The following ZNF532 variants were observed in gnomAD, a reference collection of about 807,000 sequenced individuals.
ZNF532 encodes zinc finger protein 532.
In ZNF532, 22 loss-of-function variants were observed where a neutral mutation model predicts 89.3. That is an observed-to-expected ratio of 0.25 (90% CI 0.18 to 0.35). The LOEUF is 0.35. Among genes scored for constraint, ZNF532 ranks in the 10% least tolerant of loss-of-function variants. The pLI, the probability that ZNF532 is intolerant of heterozygous loss-of-function variation, is 1.00. For synonymous variants in ZNF532, 606 were observed against 649.6 expected (o/e 0.93, Z 1.02); for missense variants, 1,132 against 1,643.4 (o/e 0.69, Z 5.38).
chr18:58,907,454 G>A (rs1343247306), intron 2 of ZNF532, among the ~76,000 whole-genome samples: 1 of 151,926 alleles, frequency 6.6e-6, no homozygotes, highest in Non-Finnish European at 1.5e-5. Context: ...CTCCCAAAGT[G>A]CTGGGATTAG....
intron 7 of ZNF532, among the ~76,000 whole-genome samples, chr18:58,973,638 C>T (rs57327476): frequency 0.03 from 4,551 of 152,154 alleles, 245 homozygotes; most frequent in African/African-American, 0.1. Context: ...TAATCCCGCT[C>T]CTGGGTATTT....
chr18:58,896,492 T>G (rs1322406294), intron 2 of ZNF532: 6 of 152,234 alleles, frequency 3.9e-5, no homozygotes, highest in African/African-American at 1.4e-4. Flanking sequence ...CCACCACCCA[T>G]GTCTGGGCTG....
At chr18:58,916,431 T>G (rs187975192) in intron 2 of ZNF532, among the ~76,000 whole-genome samples, 3 of 152,222 alleles carry the variant, frequency 2.0e-5, no homozygotes, top group Non-Finnish European at 4.4e-5. Context: ...TGTTAATGTT[T>G]TATTTCCTGT....
chr18:58,948,149 A>T lies in ZNF532; in HGVS notation c.2788A>T (p.Asn930Tyr). The T allele has an allele frequency of 6.2e-7, 1 of 1,614,000 alleles. No individual in the cohort carries two copies. The highest frequency in any genetic ancestry group is 8.5e-7 in the Non-Finnish European group (1 of 1,179,916). Residue 930 changes from asparagine (N) to tyrosine (Y), a missense_variant, in exon 6 of 10, where the codon AAC becomes TAC. This residue lies in a region of ZNF532 where 415 missense variants were observed against 604.8 expected (regional missense o/e 0.69). Transcript: ENST00000591808. ...LYRHFDQHIE[N>Y]QKVSVFKCPD... ...TCGCCACTTTGACCAACACATTGAA[A>T]ACCAGAAGGTGTCTGTTTTCAAGTG... is the stretch of plus-strand genomic sequence containing the variant.
At chr18:58,958,632 C>G (rs554858962) in intron 7 of ZNF532, among the ~76,000 whole-genome samples, 1 of 152,176 alleles carries the variant, frequency 6.6e-6, no homozygotes, top group Non-Finnish European at 1.5e-5. Flanking sequence ...CTGATTGAAG[C>G]AGTTCTCTTT....
chr18:58,914,564 C>T (rs555551066), intron 2 of ZNF532, among the ~76,000 whole-genome samples: 124 of 152,228 alleles, frequency 8.1e-4, no homozygotes, highest in Non-Finnish European at 1.5e-3. Context: ...CCTGTAATCC[C>T]GGCTACTCGG....
chr18:58,971,485 C>T (rs1422841680), intron 7 of ZNF532, among the ~76,000 whole-genome samples: 1 of 152,212 alleles, frequency 6.6e-6, no homozygotes, highest in African/African-American at 2.4e-5. Context: ...CAGCCACGCC[C>T]ATTCATTTAA....
rs550494391 is a variant in ZNF532, at chr18:58,887,694, C to G, written c.-18+22115C>G. On this transcript the variant is annotated intron_variant, in intron 2 of 9. Transcript: ENST00000591808. ...ACCACAAACCAAAACAGAACCCCCA[C>G]GCTCACAGGAGGGACCGTCATGCAG... Among the ~76,000 whole-genome samples, 5 of 152,236 alleles carry G rather than the reference C, an allele frequency of 3.3e-5. No individual in the cohort carries two copies. In the South Asian group the frequency reaches 8.3e-4, roughly 25 times the overall value.
chr18:58,916,492 T>C (rs1322989082), intron 2 of ZNF532, among the ~76,000 whole-genome samples: 3 of 152,214 alleles, frequency 2.0e-5, no homozygotes, highest in Non-Finnish European at 4.4e-5. Context: ...TTATTCCCCC[T>C]CTGTTTCCGC....
intron 7 of ZNF532, among the ~76,000 whole-genome samples, chr18:58,961,197 C>T (rs2065311743): frequency 6.6e-6 from 1 of 152,360 alleles, no homozygotes; most frequent in South Asian, 2.1e-4. Context: ...GGAACCCGAT[C>T]ATTTGCATTT....
At chr18:58,970,401 T>C (rs1484884854) in intron 7 of ZNF532, among the ~76,000 whole-genome samples, 1 of 152,182 alleles carries the variant, frequency 6.6e-6, no homozygotes, top group African/African-American at 2.4e-5. Context: ...ATGTCACCCA[T>C]CTGTAGATGG....
At chr18:58,938,776 A>G (rs535910690) in intron 4 of ZNF532, among the ~76,000 whole-genome samples, 10 of 152,310 alleles carry the variant, frequency 6.6e-5, no homozygotes, top group African/African-American at 2.2e-4. Context: ...TAGAAATGCT[A>G]TTTGGGTCCT....
chr18:58,978,980 A>T, intron 7 of ZNF532, 75 bp from the exon 8 acceptor site: 1 of 1,212,020 alleles, frequency 8.3e-7, no homozygotes, highest in Admixed American at 1.8e-5. Flanking sequence ...AACTTAAACT[A>T]TTACAAAAGA....
chr18:58,869,495 T>C (rs986750878), intron 2 of ZNF532, among the ~76,000 whole-genome samples: 5 of 152,218 alleles, frequency 3.3e-5, no homozygotes, highest in African/African-American at 9.6e-5. Flanking sequence ...TACATTCAGG[T>C]TCAATAAAAC....
intron 2 of ZNF532, among the ~76,000 whole-genome samples, chr18:58,902,718 C>G (rs1249834171): frequency 6.6e-6 from 1 of 151,978 alleles, no homozygotes; most frequent in Non-Finnish European, 1.5e-5. Flanking sequence ...TCTCGAACTC[C>G]CAACCTCAGG....
intron 5 of ZNF532, among the ~76,000 whole-genome samples, chr18:58,943,190 C>T (rs1348369327): frequency 7.7e-5 from 11 of 142,724 alleles, no homozygotes; most frequent in Non-Finnish European, 1.4e-4. Context: ...GATGGAGTCT[C>T]GCTCTGTCAC....
intron 3 of ZNF532, among the ~76,000 whole-genome samples, chr18:58,932,975 A>G (rs1035751129): frequency 1.3e-5 from 2 of 152,166 alleles, no homozygotes; most frequent in Non-Finnish European, 2.9e-5. Context: ...AGTGCAAGAC[A>G]TTTTAAGATG....
At position 58,925,805 on chromosome 18, in the gene ZNF532, G is replaced by C. The variant is rs568063031; in HGVS notation, c.2346+5172G>C. On this transcript the variant is annotated intron_variant, in intron 3 of 9. Coordinates refer to ENST00000591808, the MANE Select transcript of ZNF532 (RefSeq NM_001375912.1). ...GTATCAGGTGTGAGATTTAGGTGGA[G>C]GGTCATTTTTTCCCCCAATACTTGG... Among the ~76,000 whole-genome samples, 4 of 152,264 alleles carry C rather than the reference G, an allele frequency of 2.6e-5. No individual in the cohort carries two copies. In the East Asian group the frequency reaches 7.7e-4, roughly 29 times the overall value.
intron 3 of ZNF532, among the ~76,000 whole-genome samples, chr18:58,924,613 C>T (rs1294796847): frequency 6.6e-6 from 1 of 152,150 alleles, no homozygotes; most frequent in Non-Finnish European, 1.5e-5. Flanking sequence ...ATTCATGTAA[C>T]AAATAATACA....
Sources: allele counts gnomAD v4.1 joint callset (sites outside exome capture counted in the v4.1 genomes callset), GRCh38; gene constraint gnomAD v4.1.1; regional missense constraint gnomAD v4.1.1; transcripts MANE v1.5; gene names NCBI Gene and HGNC (gene_info 2026-07-23, HGNC 2026-07-21).